KCNK18: variants seen among roughly 807,000 people sequenced by gnomAD.
KCNK18 encodes the protein potassium two pore domain channel subfamily K member 18, also known as potassium channel subfamily K member 18.
KCNK18 carries 8 observed loss-of-function variants against 11.8 expected under a neutral mutation model. The observed-to-expected ratio is 0.68, with a 90% CI of 0.40 to 1.22. The LOEUF (loss-of-function observed/expected upper bound fraction) is 1.22. Among genes scored for constraint, KCNK18 ranks in the 50% most tolerant of loss-of-function variants. KCNK18 has a pLI of 0.01. For missense variants in KCNK18, 442 were observed against 465.4 expected (o/e 0.95, Z 0.46); for synonymous variants, 208 against 185.8 (o/e 1.12, Z -0.97).
At chr10:117,201,846 G>T (rs1277988925) in intron 2 of KCNK18, among the ~76,000 whole-genome samples, 1 of 152,228 alleles carries the variant, frequency 6.6e-6, no homozygotes, top group African/African-American at 2.4e-5. Context: ...GATGCCACTG[G>T]GTCAGCAGTA....
intron 1 of KCNK18, among the ~76,000 whole-genome samples, chr10:117,198,733 G>A (rs1476347334): frequency 6.6e-6 from 1 of 152,182 alleles, no homozygotes; most frequent in African/African-American, 2.4e-5. Flanking sequence ...GGGAACAGGT[G>A]CAGCTCCCAG....
Position 117,209,644 on chromosome 10 carries a change from G to A in KCNK18, c.500G>A (p.Arg167Gln), listed in dbSNP as rs552800446. 1.9e-5 allele frequency: 31 copies of A among 1,614,076 alleles called. No individual in the cohort carries two copies. The highest frequency in any genetic ancestry group is 5.0e-5 in the Admixed American group (3 of 60,010). Residue 167 changes from arginine to glutamine, a missense_variant, in exon 3 of 3, where the codon CGA (arginine) becomes CAA (glutamine). By Grantham distance (43) the Arg-to-Gln change is conservative. Coordinates refer to ENST00000334549, the MANE Select transcript of KCNK18 (RefSeq NM_181840.1). ...TILSTSYNRF[R>Q]KFPFFTRPLL... Reference sequence around the variant, plus strand: ...TTATCTACATCTTATAATCGGTTCCGAAAATTCCCTTTCTTTACCCGCCCC... The same window carrying A: ...TTATCTACATCTTATAATCGGTTCCAAAAATTCCCTTTCTTTACCCGCCCC...
chr10:117,203,129 G>T (rs970614337), intron 2 of KCNK18, among the ~76,000 whole-genome samples: 3 of 151,878 alleles, frequency 2.0e-5, no homozygotes. Flanking sequence ...TGCCCATCTC[G>T]GCCTCCCAAA....
chr10:117,200,268 G>T (rs1225145563), intron 1 of KCNK18, among the ~76,000 whole-genome samples: 1 of 152,036 alleles, frequency 6.6e-6, no homozygotes, highest in Non-Finnish European at 1.5e-5. Flanking sequence ...AGTAGAGACA[G>T]GGTTTCACCA....
chr10:117,201,072 T>C, intron 1 of KCNK18, 87 bp from the exon 2 acceptor site: 2 of 1,535,882 alleles, frequency 1.3e-6, no homozygotes, highest in Non-Finnish European at 1.8e-6. Flanking sequence ...TGCTGGTCCT[T>C]GGGGAAGACT....
intron 1 of KCNK18, 113 bp from the exon 2 acceptor site, chr10:117,201,046 C>A: frequency 1.5e-6 from 2 of 1,337,508 alleles, no homozygotes; most frequent in Non-Finnish European, 2.1e-6. Flanking sequence ...TGATACTGAC[C>A]ACAAGGCAAA....
At chr10:117,207,468 C>G (rs1243997770) in intron 2 of KCNK18, among the ~76,000 whole-genome samples, 1 of 152,210 alleles carries the variant, frequency 6.6e-6, no homozygotes, top group Non-Finnish European at 1.5e-5. Flanking sequence ...ACCAGAGGCT[C>G]AGAGAGATCG....
In KCNK18 at chr10:117,209,538, T is replaced by C. The variant is rs2133707165; in HGVS notation, c.394T>C (p.Leu132=). The change falls in exon 3 of 3, where the codon TTG becomes CTG. Residue 132 remains leucine, a synonymous_variant. Transcript: ENST00000334549. ...CCCCGTCACCAGGCTTGGCAAGTAC[T>C]TGTGCATGCTCTATGCTCTCTTTGG... ...IYPVTRLGKY[L]CMLYALFGIP... 1 of 1,614,204 alleles carries C rather than the reference T, an allele frequency of 6.2e-7. No individual in the cohort carries two copies. Among genetic ancestry groups the C allele is most frequent in the Non-Finnish European group, 8.5e-7 (1 of 1,180,030 alleles).
At chr10:117,200,489 G>A (rs1007832756) in intron 1 of KCNK18, among the ~76,000 whole-genome samples, 3 of 152,186 alleles carry the variant, frequency 2.0e-5, no homozygotes, top group African/African-American at 4.8e-5. Flanking sequence ...TGTGTGAGAG[G>A]CAGAGCAGAA....
rs1391849374 is a variant in KCNK18 at position 117,197,708 on chromosome 10, A to G, written c.220A>G (p.Thr74Ala). The G allele has an allele frequency of 1.2e-6, 2 of 1,613,836 alleles. No individual in the cohort carries two copies. The highest frequency in any genetic ancestry group is 1.7e-6 in the Non-Finnish European group (2 of 1,179,816). The change falls in exon 1 of 3, where the codon ACA becomes GCA. Residue 74 changes from threonine to alanine, a missense_variant. Coordinates refer to ENST00000334549, the MANE Select transcript of KCNK18 (RefSeq NM_181840.1). ...CTGCAGAATCTTGAACTGCAGTGAA[A>G]CAGGTAGGTGCCTCACCTGGACAGG... The part of the protein sequence containing the change: ...ELCRILNCSE[T>A]VVEDRKQDLQ...
intron 2 of KCNK18, among the ~76,000 whole-genome samples, chr10:117,201,667 G>A (rs1855015638): frequency 6.6e-6 from 1 of 152,196 alleles, no homozygotes; most frequent in South Asian, 2.1e-4. Context: ...AACTTTCTAT[G>A]CACCTGGCAC....
At chr10:117,198,734 C>A (rs1854979896) in intron 1 of KCNK18, among the ~76,000 whole-genome samples, 1 of 152,172 alleles carries the variant, frequency 6.6e-6, no homozygotes, top group South Asian at 2.1e-4. Flanking sequence ...GGAACAGGTG[C>A]AGCTCCCAGA....
At chr10:117,205,887 T>C (rs1269735152) in intron 2 of KCNK18, among the ~76,000 whole-genome samples, 1 of 152,006 alleles carries the variant, frequency 6.6e-6, no homozygotes, top group Non-Finnish European at 1.5e-5. Flanking sequence ...TTGTCTCTAC[T>C]AAAAATACAA....
At chr10:117,206,142 A>G (rs1855071704) in intron 2 of KCNK18, among the ~76,000 whole-genome samples, 1 of 152,118 alleles carries the variant, frequency 6.6e-6, no homozygotes, top group African/African-American at 2.4e-5. Context: ...AGCAATAGAA[A>G]TTTATTCTGT....
intron 2 of KCNK18, among the ~76,000 whole-genome samples, chr10:117,203,030 C>G (rs930230268): frequency 6.6e-6 from 1 of 151,922 alleles, no homozygotes; most frequent in African/African-American, 2.4e-5. Flanking sequence ...CATGTACCAC[C>G]ACGCTTGGCT....
In KCNK18 at chr10:117,197,633, G is replaced by A; in HGVS notation, c.145G>A (p.Val49Ile). ...VVFSAIEDGQ[V>I]LVAADDGEFE... is the part of the protein sequence containing the mutation. ...CTTCTCTGCCATTGAGGACGGCCAG[G>A]TCCTGGTGGCAGCAGATGATGGAGA... The change falls in exon 1 of 3, where the codon GTC becomes ATC. Residue 49 changes from valine (V) to isoleucine (I), a missense_variant. Val to Ile is a conservative substitution (Grantham distance 29). Coordinates refer to ENST00000334549, the MANE Select transcript of KCNK18 (RefSeq NM_181840.1). 6.2e-7 allele frequency: 1 copy of A among 1,614,220 alleles called. No homozygotes were observed. The highest frequency in any genetic ancestry group is 1.3e-5 in the African/African-American group (1 of 75,064).
intron 2 of KCNK18, among the ~76,000 whole-genome samples, chr10:117,201,758 G>T (rs531421705): frequency 2.0e-5 from 3 of 152,238 alleles, no homozygotes; most frequent in Admixed American, 6.5e-5. Context: ...CATGACCATT[G>T]TGGCTGGAGG....
chr10:117,201,273 T>C lies in KCNK18; in HGVS notation c.338T>C (p.Val113Ala). 6.2e-7 allele frequency: 1 copy of C among 1,613,570 alleles called. No homozygotes were observed. Among genetic ancestry groups the C allele is most frequent in the Non-Finnish European group, 8.5e-7 (1 of 1,179,978 alleles). Residue 113 changes from valine (V) to alanine (A), a missense_variant, in exon 2 of 3, where the codon GTG (valine) becomes GCG (alanine). Val to Ala is a moderately conservative substitution (Grantham distance 64). Transcript: ENST00000334549. ...AGCTCGCTCTTTTTCTGCTGCACGG[T>C]GTTCAGCACCGTGGGTAAGTGCAAA... ...FLSSLFFCCT[V>A]FSTVGYGYIY...
chr10:117,199,973 C>T (rs1854994215), intron 1 of KCNK18, among the ~76,000 whole-genome samples: 1 of 152,202 alleles, frequency 6.6e-6, no homozygotes. Flanking sequence ...AGCCTTGGAA[C>T]CAATGTGTAG....
Sources: allele counts gnomAD v4.1 joint callset (sites outside exome capture counted in the v4.1 genomes callset), GRCh38; gene constraint gnomAD v4.1.1; transcripts MANE v1.5; gene names NCBI Gene and HGNC (gene_info 2026-07-23, HGNC 2026-07-21).